The following ATP8A2 variants were observed in gnomAD, a reference collection of about 807,000 sequenced individuals.
ATP8A2 encodes the protein ATPase phospholipid transporting 8A2.
Under a neutral mutation model 165.6 loss-of-function variants are expected in ATP8A2, and 100 were observed. That is an observed-to-expected ratio of 0.60 (90% CI 0.51 to 0.71). The LOEUF (loss-of-function observed/expected upper bound fraction) is 0.71, where lower values mean the gene tolerates loss of function less well. ATP8A2 is among the 30% of genes least tolerant of loss of function. ATP8A2 has a pLI of 0.00. For synonymous variants in ATP8A2, 543 were observed against 548.8 expected (o/e 0.99, Z 0.15); for missense variants, 1,227 against 1,479.5 (o/e 0.83, Z 2.80).
chr13:25,693,691 T>C (rs894678862), intron 24 of ATP8A2, among the ~76,000 whole-genome samples: 2 of 143,332 alleles, frequency 1.4e-5, no homozygotes, highest in Non-Finnish European at 3.1e-5. Flanking sequence ...CTCTCTCTGT[T>C]TTATTTATTT....
At chr13:25,639,049 C>G (rs147194265) in intron 24 of ATP8A2, among the ~76,000 whole-genome samples, 2 of 152,082 alleles carry the variant, frequency 1.3e-5, no homozygotes, top group Non-Finnish European at 2.9e-5. Context: ...TACACACAAG[C>G]AAATGCTGAG....
At chr13:25,405,236 T>C (rs528494701) in intron 1 of ATP8A2, among the ~76,000 whole-genome samples, 2 of 152,206 alleles carry the variant, frequency 1.3e-5, no homozygotes, top group African/African-American at 4.8e-5. Flanking sequence ...TGCGAAAGTG[T>C]AGACAGCACT....
chr13:25,840,182 G>A (rs1012078606), intron 30 of ATP8A2, among the ~76,000 whole-genome samples: 5 of 152,198 alleles, frequency 3.3e-5, no homozygotes, highest in South Asian at 2.1e-4. Context: ...CAGACTCGGC[G>A]TTTTTTCACA....
At position 25,927,566 on chromosome 13, in the gene ATP8A2, G is replaced by C. The variant is rs776354090; in HGVS notation, c.3184-34009G>C. Among the ~76,000 whole-genome samples, 3 of 152,194 alleles carry C rather than the reference G, an allele frequency of 2.0e-5. No homozygotes were observed. The East Asian group carries it at 5.8e-4, about 29-fold the overall frequency. ...TGCTGAGAAATACGTGTCTCCACAC[G>C]CAGAGATTTAAAAGGCCTGAATATT... On this transcript the variant is annotated intron_variant, in intron 33 of 36. Coordinates refer to ENST00000381655, the MANE Select transcript of ATP8A2 (RefSeq NM_016529.6).
chr13:25,792,671 G>C (rs2045208592), intron 27 of ATP8A2, among the ~76,000 whole-genome samples: 1 of 152,122 alleles, frequency 6.6e-6, no homozygotes, highest in African/African-American at 2.4e-5. Context: ...AGCTCTTTGG[G>C]AGGCTGAGGC....
At chr13:25,710,690 T>C (rs1359098508) in intron 25 of ATP8A2, among the ~76,000 whole-genome samples, 1 of 152,116 alleles carries the variant, frequency 6.6e-6, no homozygotes, top group African/African-American at 2.4e-5. Flanking sequence ...TTTGCCTGCC[T>C]AGAGGGCTCA....
chr13:25,869,280 C>T (rs915044600), intron 33 of ATP8A2, among the ~76,000 whole-genome samples: 1 of 151,646 alleles, frequency 6.6e-6, no homozygotes, highest in Non-Finnish European at 1.5e-5. Context: ...TTGTTTTTCT[C>T]CTCCTGCTTA....
intron 16 of ATP8A2, 41 bp downstream of exon 16, chr13:25,564,072 C>T (rs768984985): frequency 2.9e-5 from 42 of 1,425,386 alleles, no homozygotes; most frequent in Non-Finnish European, 4.1e-5. Context: ...AAACAGCTTA[C>T]GGTGCAACTT....
rs561793635 is a variant in ATP8A2, at chr13:25,762,028, G to A, written c.2385-7018G>A. On this transcript the variant is annotated intron_variant, in intron 25 of 36. Coordinates refer to ENST00000381655, the MANE Select transcript of ATP8A2 (RefSeq NM_016529.6). ...TGTAATCTCAGCACTTTGGGAGGTC[G>A]AGGCAGGCAGATCACCTGAGGTCAG... is the stretch of plus-strand genomic sequence containing the variant. Among the ~76,000 whole-genome samples the A allele has an allele frequency of 2.4e-3, 363 of 152,032 alleles. 1 individual carries two copies. The highest frequency in any genetic ancestry group is 8.3e-3 in the African/African-American group (343 of 41,492).
At chr13:25,865,330 C>T (rs1374954106) in intron 33 of ATP8A2, among the ~76,000 whole-genome samples, 1 of 152,168 alleles carries the variant, frequency 6.6e-6, no homozygotes, top group African/African-American at 2.4e-5. Context: ...TTGTAGTTCA[C>T]TAAACAGTAG....
intron 35 of ATP8A2, among the ~76,000 whole-genome samples, chr13:26,009,892 C>A (rs920352864): frequency 2.0e-5 from 3 of 152,098 alleles, no homozygotes; most frequent in Admixed American, 1.3e-4. Context: ...ATGGCAAAAC[C>A]CCATCGCTAC....
chr13:25,638,463 C>T (rs528287773), intron 24 of ATP8A2, among the ~76,000 whole-genome samples: 2 of 152,206 alleles, frequency 1.3e-5, no homozygotes, highest in South Asian at 2.1e-4. Context: ...GACGAATGTA[C>T]AAGCTTCAGT....
rs116293701 is a variant in ATP8A2 at position 25,833,452 on chromosome 13, A to G, written c.2755-3711A>G. Among the ~76,000 whole-genome samples the G allele has an allele frequency of 9.3e-3, 1,421 of 152,242 alleles. 18 individuals carry two copies. The highest frequency in any genetic ancestry group is 0.032 in the African/African-American group (1,340 of 41,544). On this transcript the variant is annotated intron_variant, in intron 28 of 36. Transcript: ENST00000381655. ...CATAAAAGTAGACTTATTTTTACTAAATATCAGACTATACTATGAAGCCAC... is the reference window on the plus strand; with the variant it reads ...CATAAAAGTAGACTTATTTTTACTAGATATCAGACTATACTATGAAGCCAC...
Position 25,953,544 on chromosome 13 carries a change from A to ACAAC in ATP8A2, c.3184-8031_3184-8030insCAAC, listed in dbSNP as rs1566299773. On this transcript the variant is annotated intron_variant, in intron 33 of 36. Coordinates refer to ENST00000381655, the MANE Select transcript of ATP8A2 (RefSeq NM_016529.6). This position sits in a 1 kb window ranked among gnomAD's most constrained non-coding sequence, Gnocchi z 6.7. ...TTTTAAAAAAAAAAAAAAAAAAAAA[A>ACAAC]AAGCAAGGGAAATAGGCAAGACGGC... Among the ~76,000 whole-genome samples the ACAAC allele has an allele frequency of 1.6e-5, 2 of 122,940 alleles. No individual in the cohort carries two copies. The highest frequency in any genetic ancestry group is 3.6e-5 in the African/African-American group (1 of 27,652). The allele number at this position is 122,940 out of a possible 152,430, so 80.7% of individuals were successfully genotyped here.
intron 24 of ATP8A2, among the ~76,000 whole-genome samples, chr13:25,620,191 T>G (rs1593665425): frequency 1.3e-5 from 2 of 152,242 alleles, no homozygotes; most frequent in Middle Eastern, 6.8e-3. Context: ...TTCATCATAG[T>G]GAAACTTCAG....
At chr13:25,496,359 T>C (rs2036679040) in intron 2 of ATP8A2, among the ~76,000 whole-genome samples, 1 of 152,138 alleles carries the variant, frequency 6.6e-6, no homozygotes, top group South Asian at 2.1e-4. Context: ...CATTTTCCTA[T>C]TGCGTCTGGC....
chr13:25,975,874 G>A (rs1956024522), intron 35 of ATP8A2, among the ~76,000 whole-genome samples: 1 of 152,106 alleles, frequency 6.6e-6, no homozygotes, highest in South Asian at 2.1e-4. Context: ...GTTATTAAAT[G>A]TAGAACTCCA....
chr13:25,540,155 G>A (rs954777350), intron 7 of ATP8A2, among the ~76,000 whole-genome samples, 164 bp from the exon 8 acceptor site: 2 of 152,206 alleles, frequency 1.3e-5, no homozygotes, highest in African/African-American at 4.8e-5. Context: ...AAAGATGAGT[G>A]TGTGTTTCCT....
chr13:25,998,428 G>A (rs1186255680), intron 35 of ATP8A2, among the ~76,000 whole-genome samples: 1 of 152,206 alleles, frequency 6.6e-6, no homozygotes, highest in African/African-American at 2.4e-5. Context: ...TGGGTTGGGG[G>A]TGAGGGGGCC....
Sources: allele counts gnomAD v4.1 joint callset (sites outside exome capture counted in the v4.1 genomes callset), GRCh38; gene constraint gnomAD v4.1.1; non-coding constraint Gnocchi (gnomAD v3.1); transcripts MANE v1.5; gene names NCBI Gene and HGNC (gene_info 2026-07-23, HGNC 2026-07-21).